The following FAM178B variants were observed in gnomAD, a reference collection of about 807,000 sequenced individuals.
FAM178B encodes the protein protein FAM178B.
Under a neutral mutation model 91.7 loss-of-function variants are expected in FAM178B, and 82 were observed. The observed-to-expected ratio is 0.89, with a 90% CI of 0.75 to 1.07. The LOEUF is 1.07. Among genes scored for constraint, FAM178B ranks in the 50% least tolerant of loss-of-function variants. FAM178B has a pLI of 0.00. For synonymous variants in FAM178B, 368 were observed against 359.4 expected (o/e 1.02, Z -0.27); for missense variants, 769 against 846.7 (o/e 0.91, Z 1.14).
chr2:96,948,640 A>G (rs2081870818), intron 7 of FAM178B, among the ~76,000 whole-genome samples: 1 of 152,208 alleles, frequency 6.6e-6, no homozygotes, highest in African/African-American at 2.4e-5. Flanking sequence ...CCCAGTACCC[A>G]GAAAAGTTTG....
At chr2:96,890,120 C>G (rs1469501314) in intron 14 of FAM178B, among the ~76,000 whole-genome samples, 1 of 151,994 alleles carries the variant, frequency 6.6e-6, no homozygotes, top group Non-Finnish European at 1.5e-5. Flanking sequence ...ACTAAAAATA[C>G]AAAAATTAGC....
chr2:96,968,386 G>A (rs543406717), intron 4 of FAM178B, among the ~76,000 whole-genome samples: 23 of 150,528 alleles, frequency 1.5e-4, no homozygotes, highest in South Asian at 8.4e-4. Flanking sequence ...CCCTCCTCCC[G>A]CCCTGCAAAC....
intron 12 of FAM178B, among the ~76,000 whole-genome samples, chr2:96,920,438 A>G (rs1033807173): frequency 1.3e-5 from 2 of 152,148 alleles, no homozygotes; most frequent in Non-Finnish European, 2.9e-5. Flanking sequence ...TGTCTCCACT[A>G]AAAATATAAA....
rs1343592688 is a variant in FAM178B, at chr2:96,923,407, G to A, written c.1287+83C>T. ...GTGCTGAGCTCGCCGGAGATTCTCCGTGATGCTCCTGGAATTTAGCTGCTG... is the reference window on the plus strand; with the variant it reads ...GTGCTGAGCTCGCCGGAGATTCTCCATGATGCTCCTGGAATTTAGCTGCTG... On this transcript the variant is annotated intron_variant, in intron 10 of 16. Coordinates refer to ENST00000490605, the MANE Select transcript of FAM178B (RefSeq NM_001122646.3). 1.6e-5 allele frequency: 18 copies of A among 1,091,560 alleles called. No individual in the cohort carries two copies. The East Asian group carries it at 1.8e-4, about 11-fold the overall frequency. 67.6% of individuals were successfully genotyped at this position (1,091,560 alleles called of 1,614,324 possible). A position where few individuals can be genotyped will look rare whatever the true frequency, so the allele number is the denominator to read the frequency against.
chr2:96,957,512 G>A (rs1167309951), intron 6 of FAM178B, among the ~76,000 whole-genome samples: 2 of 152,176 alleles, frequency 1.3e-5, no homozygotes. Context: ...CTCACTCCAG[G>A]GAAGCTGGGC....
At chr2:96,900,257 C>T (rs1181401152) in intron 13 of FAM178B, among the ~76,000 whole-genome samples, 5 of 152,154 alleles carry the variant, frequency 3.3e-5, no homozygotes, top group Non-Finnish European at 5.9e-5. Flanking sequence ...AGCAACACCG[C>T]TGGGTCCCTC....
At chr2:96,969,965 C>T (rs371255405) in intron 4 of FAM178B, among the ~76,000 whole-genome samples, 6 of 152,214 alleles carry the variant, frequency 3.9e-5, no homozygotes, top group Admixed American at 6.5e-5. Context: ...GCATCGCCCC[C>T]GCCCACACTT....
chr2:96,955,095 G>A (rs1360558329), intron 6 of FAM178B, among the ~76,000 whole-genome samples: 2 of 152,204 alleles, frequency 1.3e-5, no homozygotes, highest in East Asian at 3.9e-4. Flanking sequence ...GCCGGGCATC[G>A]TGGCTCATGC....
Position 96,928,451 on chromosome 2 carries a change from A to G in FAM178B, c.1193+755T>C, listed in dbSNP as rs72942951. ...AGGGACCAGGCATAGGCAAATGATC[A>G]TGACTGTCCACGAGCAAGTCAGCCC... On this transcript the variant is annotated intron_variant, in intron 9 of 16. Transcript: ENST00000490605. Among the ~76,000 whole-genome samples the G allele has an allele frequency of 9.5e-3, 1,444 of 152,306 alleles. 21 individuals are homozygous for G. Among genetic ancestry groups the G allele is most frequent in the African/African-American group, 0.033 (1,355 of 41,562 alleles).
At position 96,902,678 on chromosome 2, in the gene FAM178B, A is replaced by T. The variant is rs1023242152; in HGVS notation, c.1592T>A (p.Val531Asp). The change falls in exon 13 of 17, where the codon GTC becomes GAC. Residue 531 changes from valine (V) to aspartate (D), a missense_variant. By Grantham distance (152) the Val-to-Asp change is radical. Transcript: ENST00000490605. ...CTGCTGGCCCAGCATTCGAGCAATG[A>T]CCACAAGGCTGAGCTGGCTTCGAAG... ...RRLRSQLSLV[V>D]IARMLGQQEM... The T allele has an allele frequency of 6.4e-7, 1 of 1,550,662 alleles. No individual in the cohort carries two copies. The highest frequency in any genetic ancestry group is 8.7e-7 in the Non-Finnish European group (1 of 1,146,598).
intron 1 of FAM178B, among the ~76,000 whole-genome samples, chr2:96,974,443 A>T (rs2082263768): frequency 2.0e-5 from 3 of 151,736 alleles, no homozygotes; most frequent in Admixed American, 2.0e-4. Context: ...TACTACAAGA[A>T]AATAAACACA....
chr2:96,969,093 G>T (rs1329606127), intron 4 of FAM178B, among the ~76,000 whole-genome samples: 2 of 152,212 alleles, frequency 1.3e-5, no homozygotes, highest in African/African-American at 4.8e-5. Context: ...CTCCTCCACG[G>T]CAACATGACA....
Position 96,876,037 on chromosome 2 carries a change from G to C in FAM178B, c.*239C>G. On this transcript the variant is annotated 3_prime_UTR_variant, in exon 17 of 17. Transcript: ENST00000490605. Reference sequence around the variant, plus strand: ...GGAGATGGCTGGGAGGAGGGCTGAGGGGTGGGCGAGGCAGAGAGGCCCATC... The same window carrying C: ...GGAGATGGCTGGGAGGAGGGCTGAGCGGTGGGCGAGGCAGAGAGGCCCATC... 1.8e-6 allele frequency: 1 copy of C among 566,748 alleles called. No individual in the cohort carries two copies. The highest frequency in any genetic ancestry group is 2.1e-5 in the South Asian group (1 of 47,900). 35.1% of individuals were successfully genotyped at this position (566,748 alleles called of 1,614,324 possible).
chr2:96,939,721 T>C (rs555804238), intron 8 of FAM178B, among the ~76,000 whole-genome samples: 4 of 152,058 alleles, frequency 2.6e-5, no homozygotes, highest in South Asian at 2.1e-4. Flanking sequence ...ACAGAGGAGA[T>C]GGCACGCATT....
At chr2:96,929,529 T>C (rs1408196933) in intron 8 of FAM178B, among the ~76,000 whole-genome samples, 1 of 152,236 alleles carries the variant, frequency 6.6e-6, no homozygotes, top group Non-Finnish European at 1.5e-5. Flanking sequence ...TCTTGAATAT[T>C]CTCTTACCTG....
At chr2:96,948,113 T>G (rs2081861011) in intron 7 of FAM178B, among the ~76,000 whole-genome samples, 1 of 152,220 alleles carries the variant, frequency 6.6e-6, no homozygotes, top group Non-Finnish European at 1.5e-5. Context: ...TCACACAGCC[T>G]TGAGCGGCAA....
chr2:96,965,063 G>A (rs1260238885), intron 5 of FAM178B, among the ~76,000 whole-genome samples: 1 of 152,078 alleles, frequency 6.6e-6, no homozygotes, highest in East Asian at 1.9e-4. Context: ...GAGGTGGTAC[G>A]ATCTCAGCTC....
At chr2:96,981,745 A>AAAAAAAAG (rs2082364431) in intron 1 of FAM178B, among the ~76,000 whole-genome samples, 2 of 118,640 alleles carry the variant, frequency 1.7e-5, no homozygotes, top group African/African-American at 2.9e-5. Flanking sequence ...CGTCTCAAAA[A>AAAAAAAAG]AAAAAAAAAA....
intron 1 of FAM178B, among the ~76,000 whole-genome samples, chr2:96,975,964 T>C (rs1226610544): frequency 1.3e-5 from 2 of 152,044 alleles, no homozygotes; most frequent in Non-Finnish European, 2.9e-5. Context: ...CAAAAGAAGG[T>C]AGGGGAATTG....
Sources: allele counts gnomAD v4.1 joint callset (sites outside exome capture counted in the v4.1 genomes callset), GRCh38; gene constraint gnomAD v4.1.1; transcripts MANE v1.5; gene names NCBI Gene and HGNC (gene_info 2026-07-23, HGNC 2026-07-21).